Variants in ST3GAL3 observed in about 807,000 individuals in gnomAD.
ST3GAL3 encodes the protein CMP-N-acetylneuraminate-beta-1,4-galactoside alpha-2,3-sialyltransferase.
ST3GAL3 carries 21 observed loss-of-function variants against 50.1 expected under a neutral mutation model. The ratio of observed to expected loss-of-function variants is 0.42; its 90% CI spans 0.30 to 0.60. The LOEUF (loss-of-function observed/expected upper bound fraction) is 0.60. Ranked by LOEUF, ST3GAL3 falls within the 20% of genes least tolerant of loss-of-function variation. The probability of loss-of-function intolerance (pLI) is 0.19; values close to 1 mark genes in which losing one functional copy is unlikely to be tolerated. For missense variants in ST3GAL3, 353 were observed against 489.4 expected (o/e 0.72, Z 2.63); for synonymous variants, 183 against 190.0 (o/e 0.96, Z 0.30).
chr1:43,850,556 C>T, intron 5 of ST3GAL3: 1 of 708,018 alleles, frequency 1.4e-6, no homozygotes, highest in Non-Finnish European at 2.6e-6. Flanking sequence ...GTCCACTGGG[C>T]CGTAGAGTGT....
intron 2 of ST3GAL3, among the ~76,000 whole-genome samples, chr1:43,788,788 A>G (rs1369918172): frequency 6.6e-6 from 1 of 152,218 alleles, no homozygotes; most frequent in Non-Finnish European, 1.5e-5. Context: ...TTAATGAAAG[A>G]AGAAGAAAAG....
chr1:43,922,897 C>G (rs951041047), intron 11 of ST3GAL3, among the ~76,000 whole-genome samples: 1 of 150,926 alleles, frequency 6.6e-6, no homozygotes, highest in South Asian at 2.1e-4. Context: ...GTCAGAAGAT[C>G]GAGACCATCC....
intron 5 of ST3GAL3, among the ~76,000 whole-genome samples, chr1:43,862,384 C>T (rs533218888): frequency 1.3e-5 from 2 of 152,304 alleles, no homozygotes; most frequent in Non-Finnish European, 2.9e-5. Flanking sequence ...TAATTTTTAC[C>T]TCTATCTTAC....
chr1:43,850,748 G>T (rs2067136622), intron 5 of ST3GAL3: 2 of 776,206 alleles, frequency 2.6e-6, no homozygotes, highest in East Asian at 5.0e-5. Flanking sequence ...GAGCTCTGCA[G>T]TTGGCCACCA....
chr1:43,846,875 A>G (rs1423110597), intron 5 of ST3GAL3, among the ~76,000 whole-genome samples: 4 of 152,240 alleles, frequency 2.6e-5, no homozygotes, highest in Non-Finnish European at 5.9e-5. Context: ...ACAGAATGGG[A>G]GAAAATATTT....
chr1:43,890,865 C>G (rs1406386055), intron 5 of ST3GAL3, among the ~76,000 whole-genome samples: 1 of 152,116 alleles, frequency 6.6e-6, no homozygotes, highest in African/African-American at 2.4e-5. Flanking sequence ...GCCTGGGTAA[C>G]AGACGTATAC....
rs1203208044 is a variant in ST3GAL3, at chr1:43,899,122, T to C, written c.462-46T>C. ...GGCCAAAGGAGCAGGGAAAGAGACCTGGTGGGCAGCTCTCTGTACAGAGGT... is the reference window on the plus strand; with the variant it reads ...GGCCAAAGGAGCAGGGAAAGAGACCCGGTGGGCAGCTCTCTGTACAGAGGT... On this transcript the variant is annotated intron_variant, in intron 7 of 11. Coordinates refer to ENST00000347631, the MANE Select transcript of ST3GAL3 (RefSeq NM_006279.5). This position sits in a 1 kb window ranked among gnomAD's most constrained non-coding sequence, Gnocchi z 5.4. 3.1e-6 allele frequency: 5 copies of C among 1,613,162 alleles called. No homozygotes were observed. Among genetic ancestry groups the C allele is most frequent in the Non-Finnish European group, 4.2e-6 (5 of 1,179,834 alleles).
chr1:43,861,657 C>T (rs2069959156), intron 5 of ST3GAL3, among the ~76,000 whole-genome samples: 1 of 152,190 alleles, frequency 6.6e-6, no homozygotes, highest in Non-Finnish European at 1.5e-5. Context: ...GCCTTACTAA[C>T]CCATAGTCTT....
chr1:43,899,813 G>T lies in ST3GAL3; in HGVS notation c.744+86G>T. 1 of 1,268,950 alleles carries T rather than the reference G, an allele frequency of 7.9e-7. No homozygotes were observed. The highest frequency in any genetic ancestry group is 1.2e-5 in the South Asian group (1 of 81,076). 78.6% of individuals were successfully genotyped at this position (1,268,950 alleles called of 1,614,324 possible). Reference sequence around the variant, plus strand: ...AATCCCGCCCCTTGAATGCAGCAAAGAACGAGTAAGAACCTTCAAAGGAAA... The same window carrying T: ...AATCCCGCCCCTTGAATGCAGCAAATAACGAGTAAGAACCTTCAAAGGAAA... On this transcript the variant is annotated intron_variant, in intron 9 of 11. Coordinates refer to ENST00000347631, the MANE Select transcript of ST3GAL3 (RefSeq NM_006279.5). This position sits in a 1 kb window ranked among gnomAD's most constrained non-coding sequence, Gnocchi z 5.4.
intron 7 of ST3GAL3, 87 bp downstream of exon 7, chr1:43,898,385 G>A (rs2077704249): frequency 1.4e-6 from 2 of 1,400,778 alleles, no homozygotes; most frequent in African/African-American, 2.8e-5. Flanking sequence ...CCCTGGACAT[G>A]GGCAGTTTCT....
intron 2 of ST3GAL3, among the ~76,000 whole-genome samples, chr1:43,741,707 C>T (rs1681002197): frequency 6.6e-6 from 1 of 152,172 alleles, no homozygotes; most frequent in Non-Finnish European, 1.5e-5. Context: ...AACTAGCCTC[C>T]TCTCTATAGG....
At chr1:43,757,328 A>C (rs7552570) in intron 2 of ST3GAL3, among the ~76,000 whole-genome samples, 11,619 of 152,242 alleles carry the variant, frequency 0.076, 1,475 homozygotes, top group African/African-American at 0.27. Flanking sequence ...CTTATATAGA[A>C]ATATAGAGAT....
intron 5 of ST3GAL3, chr1:43,858,344 G>A: frequency 1.6e-6 from 2 of 1,237,782 alleles, no homozygotes; most frequent in Non-Finnish European, 2.1e-6. Context: ...CACACTGGTG[G>A]GGGCAGCTTC....
chr1:43,710,245 C>G (rs1318724612), intron 1 of ST3GAL3, among the ~76,000 whole-genome samples: 1 of 152,152 alleles, frequency 6.6e-6, no homozygotes, highest in East Asian at 1.9e-4. Context: ...CCACACCCGG[C>G]TAATTTTTGT....
At chr1:43,736,651 C>T (rs1049946722) in intron 2 of ST3GAL3, 26 of 544,258 alleles carry the variant, frequency 4.8e-5, no homozygotes, top group African/African-American at 4.7e-4. Context: ...CCAAACTATA[C>T]TCATACTTCT....
At chr1:43,776,462 AGTTGATGAATGGATAAAT>A (rs1697294050) in intron 2 of ST3GAL3, among the ~76,000 whole-genome samples, 1 of 152,142 alleles carries the variant, frequency 6.6e-6, no homozygotes, top group Non-Finnish European at 1.5e-5. Context: ...TCCATTCATC[AGTTGATGAATGGATAAAT>A]ATGGATGATA....
At chr1:43,813,456 C>T (rs1382645724) in intron 3 of ST3GAL3, among the ~76,000 whole-genome samples, 1 of 152,180 alleles carries the variant, frequency 6.6e-6, no homozygotes, top group Non-Finnish European at 1.5e-5. Context: ...GCAAGTCTTT[C>T]ATCCATTCGC....
chr1:43,837,140 A>T (rs933507017), intron 4 of ST3GAL3, among the ~76,000 whole-genome samples: 2 of 152,150 alleles, frequency 1.3e-5, no homozygotes, highest in Non-Finnish European at 2.9e-5. Flanking sequence ...GAGACATACT[A>T]CCAAAAATTA....
intron 5 of ST3GAL3, chr1:43,838,574 AAGCCAGGTATCCAGAGGC>A (rs1299927078): frequency 3.5e-5 from 15 of 430,224 alleles, no homozygotes; most frequent in South Asian, 2.5e-4. Context: ...TGCCGCATGC[AAGCCAGGTATCCAGAGGC>A]AGCCAGAGAA....
Sources: gnomAD v4.1 joint callset for allele counts (sites outside exome capture counted in the v4.1 genomes callset) on GRCh38, gnomAD v4.1.1 for gene constraint, Gnocchi (gnomAD v3.1) non-coding constraint, MANE v1.5 for transcripts, NCBI Gene and HGNC (gene_info 2026-07-23, HGNC 2026-07-21) for gene names.